Variants in ESX1 observed in about 807,000 individuals in gnomAD.
ESX1 encodes ESX homeobox 1.
Under a neutral mutation model 13.2 loss-of-function variants are expected in ESX1, and 2 were observed. That is an observed-to-expected ratio of 0.15 (90% CI 0.06 to 0.48). The LOEUF is 0.48. ESX1 is among the 20% of genes least tolerant of loss of function. The probability of loss-of-function intolerance (pLI) is 0.97; values close to 1 mark genes in which losing one functional copy is unlikely to be tolerated. For synonymous variants in ESX1, 157 were observed against 163.1 expected (o/e 0.96, Z 0.29); for missense variants, 307 against 379.0 (o/e 0.81, Z 1.58).
At chrX:104,250,946 A>G (rs181718343) in intron 3 of ESX1, 50 bp from the exon 4 acceptor site, 3 of 1,046,578 alleles carry the variant, frequency 2.9e-6, no homozygotes, top group African/African-American at 3.7e-5. Context: ...AGTTAACGTC[A>G]TAATAGAAAA....
rs1556393799 is a variant in ESX1, at chrX:104,250,352, AGAGGCGC to A, written c.1090_1096del (p.Ala364CysfsTer47). The A allele has an allele frequency of 7.1e-6, 8 of 1,126,446 alleles. No individual in the cohort carries two copies. The highest frequency in any genetic ancestry group is 6.9e-5 in the East Asian group (2 of 29,037). 92.8% of individuals were successfully genotyped at this position (1,126,446 alleles called of 1,213,427 possible). ...AGGCGCCATGGGCGGCCCGGGTGGCAGAGGCGCCATGGGCGGCCCGGGTGGCAGAGGC... is the reference window on the plus strand; with the variant it reads ...AGGCGCCATGGGCGGCCCGGGTGGCACATGGGCGGCCCGGGTGGCAGAGGC... On this transcript the variant is annotated frameshift_variant, in exon 4 of 4. Coordinates refer to ENST00000372588, the MANE Select transcript of ESX1 (RefSeq NM_153448.4). LOFTEE classifies it low-confidence loss of function (END_TRUNC).
intron 3 of ESX1, among the ~76,000 whole-genome samples, chrX:104,251,187 G>C (rs1923177171): frequency 8.9e-6 from 1 of 111,786 alleles, no homozygotes; most frequent in African/African-American, 3.3e-5. Flanking sequence ...TATTTGCAAA[G>C]AAAAGGAGGG....
At position 104,254,039 on chromosome X, in the gene ESX1, C is replaced by A. The variant is rs1350756845; in HGVS notation, c.506+115G>T. The stretch of plus-strand genomic sequence containing the variant: ...TTTTACATCCTCCGCGCCCCGCCCA[C>A]CACGTCCCCCAAAAACCAAGGGCGG... On this transcript the variant is annotated intron_variant, in intron 2 of 3. Coordinates refer to ENST00000372588, the MANE Select transcript of ESX1 (RefSeq NM_153448.4). 7 of 935,035 alleles carry A rather than the reference C, an allele frequency of 7.5e-6. No homozygotes were observed. The African/African-American group carries it at 7.9e-5, about 11-fold the overall frequency. 77.1% of individuals were successfully genotyped at this position (935,035 alleles called of 1,213,427 possible).
At chrX:104,251,732 G>GT (rs1343696180) in intron 3 of ESX1, among the ~76,000 whole-genome samples, 35 of 111,736 alleles carry the variant, frequency 3.1e-4, no homozygotes, top group African/African-American at 1.1e-3. Context: ...ATCAACACAG[G>GT]TAAGAATCTT....
intron 2 of ESX1, 71 bp downstream of exon 2, chrX:104,254,083 C>G: frequency 8.9e-7 from 1 of 1,124,845 alleles, no homozygotes. Context: ...CCCGTGAGCC[C>G]CCTACGTGGC....
chrX:104,254,122 T>G, intron 2 of ESX1, 32 bp downstream of exon 2: 1 of 1,171,571 alleles, frequency 8.5e-7, no homozygotes, highest in South Asian at 2.0e-5. Flanking sequence ...GGTCCCGGGA[T>G]GAACTGGGCG....
Position 104,254,775 on chromosome X carries a change from T to C in ESX1, c.75A>G (p.Glu25=), listed in dbSNP as rs1923291192. The C allele has an allele frequency of 1.7e-6, 2 of 1,207,031 alleles. No homozygotes were observed. The highest frequency in any genetic ancestry group is 1.1e-6 in the Non-Finnish European group (1 of 892,215). The change falls in exon 1 of 4, where the codon GAA becomes GAG. Residue 25 remains glutamate (E), a synonymous_variant. Coordinates refer to ENST00000372588, the MANE Select transcript of ESX1 (RefSeq NM_153448.4). ...RSLAVGEDIE[E]VNDEKLTVTS... ...CCCTGTCCAAGCACTAACCATTCAC[T>C]TCCTCGATGTCCTCGCCGACTGCCA... is the stretch of plus-strand genomic sequence containing the variant.
At chrX:104,254,018 A>C (rs950401345) in intron 2 of ESX1, 136 bp downstream of exon 2, 42 of 768,370 alleles carry the variant, frequency 5.5e-5, no homozygotes, top group Non-Finnish European at 7.7e-5. Context: ...CCAGTCTTTT[A>C]CATCCTCCGC....
At position 104,254,472 on chromosome X, in the gene ESX1, G is replaced by T; in HGVS notation, c.188C>A (p.Thr63Lys). The T allele has an allele frequency of 1.6e-6, 2 of 1,212,180 alleles. No homozygotes were observed. Among genetic ancestry groups the T allele is most frequent in the Non-Finnish European group, 1.1e-6 (1 of 895,631 alleles). Residue 63 changes from threonine to lysine, a missense_variant, in exon 2 of 4, where the codon ACG becomes AAG. Physicochemically the swap from Thr to Lys is moderately conservative, Grantham distance 78 (BLOSUM62 -1). This residue lies in a region of ESX1 where 152 missense variants were observed against 114.5 expected (regional missense o/e 1.33). Transcript: ENST00000372588. ...YGTEAENNVG[T>K]EGSVPSDDQD... ...GTCGTCCGAGGGGACGGACCCTTCC[G>T]TGCCAACGTTGTTTTCCGCTTCTGT... is the stretch of plus-strand genomic sequence containing the variant.
rs782793994 is a variant in ESX1, at chrX:104,250,519, C to T, written c.930G>A (p.Ala310=). ...CCATGGGCGGCCCGGTTGGCACAGGCGCCATGGGCGGCCAGGGTGGCACAG... is the reference window on the plus strand; with the variant it reads ...CCATGGGCGGCCCGGTTGGCACAGGTGCCATGGGCGGCCAGGGTGGCACAG... ...MAPVPPWPPM[A]PVPTGPPMAP... The change falls in exon 4 of 4, where the codon GCG becomes GCA. Residue 310 remains alanine, a synonymous_variant. Coordinates refer to ENST00000372588, the MANE Select transcript of ESX1 (RefSeq NM_153448.4). The T allele has an allele frequency of 7.6e-5, 82 of 1,078,276 alleles. 1 individual carries two copies. The East Asian group carries it at 2.4e-3, about 32-fold the overall frequency. The allele number at this position is 1,078,276 out of a possible 1,213,427, so 88.9% of individuals were successfully genotyped here.
At chrX:104,253,207 C>T (rs1486277127) in intron 2 of ESX1, among the ~76,000 whole-genome samples, 4 of 108,542 alleles carry the variant, frequency 3.7e-5, no homozygotes, top group African/African-American at 1.3e-4. Context: ...CCTCCCAGTG[C>T]AGTTTTCTGT....
At chrX:104,251,227 T>C (rs1052018860) in intron 3 of ESX1, among the ~76,000 whole-genome samples, 17 of 112,360 alleles carry the variant, frequency 1.5e-4, no homozygotes, top group African/African-American at 5.5e-4. Context: ...CTTTGGGGGA[T>C]ATTCATGCTA....
Position 104,254,917 on chromosome X carries a change from G to T in ESX1, c.-68C>A. The T allele has an allele frequency of 1.0e-6, 1 of 960,632 alleles. No homozygotes were observed. The highest frequency in any genetic ancestry group is 1.5e-6 in the Non-Finnish European group (1 of 674,984). The allele number at this position is 960,632 out of a possible 1,213,427, so 79.2% of individuals were successfully genotyped here. ...TGTGCGTGGTTCCGCGGCGATCCCG[G>T]GGTTGGAACTGGCTCTGGGACCAAT... is the stretch of plus-strand genomic sequence containing the variant. On this transcript the variant is annotated 5_prime_UTR_variant, in exon 1 of 4. Coordinates refer to ENST00000372588, the MANE Select transcript of ESX1 (RefSeq NM_153448.4).
Position 104,250,155 on chromosome X carries a change from C to A in ESX1, c.*73G>T. On this transcript the variant is annotated 3_prime_UTR_variant, in exon 4 of 4. Transcript: ENST00000372588. ...CATTTAACAAGCATCTAACGAATTA[C>A]TTGATGCTGTGCTGTGCACAATTTC... 9.0e-7 allele frequency: 1 copy of A among 1,117,234 alleles called. No individual in the cohort carries two copies. Among genetic ancestry groups the A allele is most frequent in the African/African-American group, 1.8e-5 (1 of 54,496 alleles). 92.1% of individuals were successfully genotyped at this position (1,117,234 alleles called of 1,213,427 possible). A position where few individuals can be genotyped will look rare whatever the true frequency, so the allele number is the denominator to read the frequency against.
chrX:104,252,803 A>G lies in ESX1; in HGVS notation c.532T>C (p.Leu178=), dbSNP rs1334091375. The part of the protein sequence containing the change: ...ARERLAARLN[L]TEDRVQVWFQ... ...CTGACCTGCACTCTGTCTTCAGTCA[A>G]ATTCAGGCGTGCTGCAAGTCTCTCT... The change falls in exon 3 of 4, where the codon TTG becomes CTG. Residue 178 remains leucine (L), a synonymous_variant. Coordinates refer to ENST00000372588, the MANE Select transcript of ESX1 (RefSeq NM_153448.4). 4 of 1,210,807 alleles carry G rather than the reference A, an allele frequency of 3.3e-6. No homozygotes were observed. Among genetic ancestry groups the G allele is most frequent in the Non-Finnish European group, 4.5e-6 (4 of 894,728 alleles).
intron 3 of ESX1, among the ~76,000 whole-genome samples, chrX:104,251,302 C>T (rs1356777812): frequency 8.9e-6 from 1 of 112,216 alleles, no homozygotes; most frequent in African/African-American, 3.2e-5. Context: ...GCTCTTTCTT[C>T]CTTCCTTCAT....
Position 104,250,352 on chromosome X carries a change from AGAGGCGCCATGGGCGGC to A in ESX1, c.1080_1096del (p.Pro361AlafsTer43). Reference sequence around the variant, plus strand: ...AGGCGCCATGGGCGGCCCGGGTGGCAGAGGCGCCATGGGCGGCCCGGGTGGCAGAGGCGCCATGGGCG... The same window carrying A: ...AGGCGCCATGGGCGGCCCGGGTGGCACCGGGTGGCAGAGGCGCCATGGGCG... On this transcript the variant is annotated frameshift_variant, in exon 4 of 4. Transcript: ENST00000372588. LOFTEE classifies it low-confidence loss of function (END_TRUNC). 1 of 1,128,428 alleles carries A rather than the reference AGAGGCGCCATGGGCGGC, an allele frequency of 8.9e-7. No individual in the cohort carries two copies. The highest frequency in any genetic ancestry group is 2.2e-5 in the South Asian group (1 of 45,051). 93.0% of individuals were successfully genotyped at this position (1,128,428 alleles called of 1,213,427 possible). A position where few individuals can be genotyped will look rare whatever the true frequency, so the allele number is the denominator to read the frequency against.
In ESX1 at chrX:104,254,442, T is replaced by C; in HGVS notation, c.218A>G (p.Asp73Gly). 1 of 1,212,119 alleles carries C rather than the reference T, an allele frequency of 8.3e-7. No individual in the cohort carries two copies. The highest frequency in any genetic ancestry group is 1.1e-6 in the Non-Finnish European group (1 of 895,584). The change falls in exon 2 of 4, where the codon GAC becomes GGC. Residue 73 changes from aspartate (D) to glycine (G), a missense_variant. Physicochemically the swap from Asp to Gly is moderately conservative, Grantham distance 94. Around this residue, in one of 3 missense-constraint regions of ESX1, gnomAD observed 152 missense variants for 114.5 expected, o/e 1.33. Coordinates refer to ENST00000372588, the MANE Select transcript of ESX1 (RefSeq NM_153448.4). Reference sequence around the variant, plus strand: ...CTCGTGGCCGCCGCCACCCTCACGGTCTTGGTCGTCCGAGGGGACGGACCC... The same window carrying C: ...CTCGTGGCCGCCGCCACCCTCACGGCCTTGGTCGTCCGAGGGGACGGACCC... ...TEGSVPSDDQ[D>G]REGGGGHEPE...
In ESX1 at chrX:104,254,354, G is replaced by A. The variant is rs1421909367; in HGVS notation, c.306C>T (p.Pro102=). The A allele has an allele frequency of 1.7e-6, 2 of 1,211,158 alleles. No individual in the cohort carries two copies. Among genetic ancestry groups the A allele is most frequent in the Non-Finnish European group, 2.2e-6 (2 of 895,329 alleles). The change falls in exon 2 of 4, where the codon CCC becomes CCT. Residue 102 remains proline, a synonymous_variant. Coordinates refer to ENST00000372588, the MANE Select transcript of ESX1 (RefSeq NM_153448.4). ...CCTGCTCTTGCTTCAGCTCGAGCAG[G>A]GGCGGCTCCTCCTGCTGTTGCTCCG... ...TKPEQQQEEP[P]LLELKQEQEE...
Sources: gnomAD v4.1 joint callset for allele counts (sites outside exome capture counted in the v4.1 genomes callset) on GRCh38, gnomAD v4.1.1 for gene constraint, gnomAD v4.1.1 regional missense constraint, MANE v1.5 for transcripts, NCBI Gene and HGNC (gene_info 2026-07-23, HGNC 2026-07-21) for gene names.